Variants in ARL15 observed in about 807,000 individuals in gnomAD.
ARL15 encodes the protein ARF like GTPase 15.
ARL15 carries 19 observed loss-of-function variants against 25.2 expected under a neutral mutation model. That is an observed-to-expected ratio of 0.75 (90% CI 0.53 to 1.10). ARL15 has a LOEUF of 1.10. ARL15 is among the 50% of genes least tolerant of loss of function. ARL15 has a pLI of 0.00. For synonymous variants in ARL15, 94 were observed against 86.8 expected, an observed-to-expected ratio of 1.08 and a Z score of -0.46; for missense variants, 220 against 246.0, an observed-to-expected ratio of 0.89 and a Z score of 0.71.
At chr5:53,953,528 C>T (rs115736417) in intron 4 of ARL15, among the ~76,000 whole-genome samples, 263 of 152,138 alleles carry the variant, frequency 1.7e-3, no homozygotes, top group African/African-American at 5.3e-3. Flanking sequence ...AAATTTATTA[C>T]GCAAAATTTA....
chr5:54,295,911 T>G (rs1419895596), intron 1 of ARL15, among the ~76,000 whole-genome samples: 2 of 152,234 alleles, frequency 1.3e-5, no homozygotes, highest in African/African-American at 4.8e-5. Context: ...AACTTGACTT[T>G]CAAATTGTTT....
chr5:54,300,214 C>T (rs1269894642), intron 1 of ARL15, among the ~76,000 whole-genome samples: 2 of 152,180 alleles, frequency 1.3e-5, no homozygotes, highest in African/African-American at 4.8e-5. Context: ...AAAAGTGACA[C>T]TGAATCACTG....
intron 4 of ARL15, among the ~76,000 whole-genome samples, chr5:54,068,130 C>G (rs3776690): frequency 0.27 from 41,572 of 151,976 alleles, 7,350 homozygotes; most frequent in African/African-American, 0.51. Context: ...ATTTAAAAGT[C>G]GTAGAGCCAT....
intron 4 of ARL15, among the ~76,000 whole-genome samples, chr5:54,047,566 G>T (rs143442030): frequency 6.6e-6 from 1 of 152,236 alleles, no homozygotes; most frequent in African/African-American, 2.4e-5. Flanking sequence ...CGGAGGTAGA[G>T]TACTGACAGT....
chr5:54,044,892 T>C (rs1022268076), intron 4 of ARL15, among the ~76,000 whole-genome samples: 3 of 152,224 alleles, frequency 2.0e-5, no homozygotes, highest in Non-Finnish European at 4.4e-5. Flanking sequence ...AAGGCAATTT[T>C]GGATTTAAGA....
chr5:54,071,594 T>C (rs1048518611), intron 4 of ARL15, among the ~76,000 whole-genome samples: 1 of 148,228 alleles, frequency 6.7e-6, no homozygotes, highest in South Asian at 2.2e-4. Context: ...TTTGGTACAC[T>C]ATTGTTCAGA....
At chr5:54,133,588 A>G (rs998004164) in intron 3 of ARL15, among the ~76,000 whole-genome samples, 3 of 152,226 alleles carry the variant, frequency 2.0e-5, no homozygotes, top group African/African-American at 7.2e-5. Flanking sequence ...TGACAAATGT[A>G]TACCTGATTC....
At chr5:54,249,672 CAAAAAAAA>C in intron 1 of ARL15, among the ~76,000 whole-genome samples, 1 of 72,640 alleles carries the variant, frequency 1.4e-5, no homozygotes, top group East Asian at 3.8e-4. Flanking sequence ...TGGTTAAGAG[CAAAAAAAA>C]AAAAAAAAAA....
intron 1 of ARL15, among the ~76,000 whole-genome samples, chr5:54,209,333 AAGAGAG>A (rs71600812): frequency 1.1e-4 from 17 of 148,658 alleles, no homozygotes; most frequent in East Asian, 2.0e-4. Context: ...TAAAAAGAGA[AAGAGAG>A]AGAGAGAGAG....
chr5:54,058,266 A>G (rs1750951117), intron 4 of ARL15, among the ~76,000 whole-genome samples: 1 of 152,110 alleles, frequency 6.6e-6, no homozygotes, highest in South Asian at 2.1e-4. Flanking sequence ...TCGGCCTCCC[A>G]AAGTGCTGGG....
intron 4 of ARL15, among the ~76,000 whole-genome samples, chr5:53,998,459 C>T (rs1428325611): frequency 6.6e-6 from 1 of 152,130 alleles, no homozygotes; most frequent in Non-Finnish European, 1.5e-5. Context: ...TCAAATTTAG[C>T]ATACCTTTAA....
chr5:53,997,377 T>C (rs1748715495), intron 4 of ARL15, among the ~76,000 whole-genome samples: 1 of 152,184 alleles, frequency 6.6e-6, no homozygotes, highest in Admixed American at 6.5e-5. Context: ...GTCTCTCTGC[T>C]GCCCTATCAA....
At chr5:53,912,695 T>G (rs1745503459) in intron 4 of ARL15, among the ~76,000 whole-genome samples, 1 of 152,216 alleles carries the variant, frequency 6.6e-6, no homozygotes, top group Non-Finnish European at 1.5e-5. Context: ...CCACATATCA[T>G]GTGAGGTCCA....
At chr5:53,971,815 C>T (rs1747761881) in intron 4 of ARL15, among the ~76,000 whole-genome samples, 1 of 152,182 alleles carries the variant, frequency 6.6e-6, no homozygotes, top group Admixed American at 6.5e-5. Context: ...AATTTTTTAG[C>T]TCTAAACAGC....
chr5:54,202,772 G>A (rs1334944352), intron 1 of ARL15, among the ~76,000 whole-genome samples: 2 of 152,130 alleles, frequency 1.3e-5, no homozygotes, highest in Admixed American at 6.5e-5. Context: ...TAAAGTATTT[G>A]GAGGGGAGGG....
At chr5:53,942,194 A>G (rs1289663325) in intron 4 of ARL15, among the ~76,000 whole-genome samples, 1 of 148,920 alleles carries the variant, frequency 6.7e-6, no homozygotes, top group African/African-American at 2.4e-5. Context: ...CCAGGGAACT[A>G]GGTAAATTGT....
At chr5:54,062,172 G>A (rs1751088944) in intron 4 of ARL15, among the ~76,000 whole-genome samples, 2 of 152,198 alleles carry the variant, frequency 1.3e-5, no homozygotes, top group South Asian at 4.1e-4. Context: ...ATTGTACGTA[G>A]GAAGTAACTA....
At chr5:54,225,109 A>G (rs1756483477) in intron 1 of ARL15, among the ~76,000 whole-genome samples, 1 of 152,222 alleles carries the variant, frequency 6.6e-6, no homozygotes, top group African/African-American at 2.4e-5. Flanking sequence ...GAGACAAGTT[A>G]ACGTAATTAA....
At chr5:53,944,174 G>C (rs1409483043) in intron 4 of ARL15, among the ~76,000 whole-genome samples, 1 of 152,024 alleles carries the variant, frequency 6.6e-6, no homozygotes, top group Non-Finnish European at 1.5e-5. Flanking sequence ...ACAAATACTT[G>C]GGTTTTAACT....
Sources: gnomAD v4.1 joint callset for allele counts (sites outside exome capture counted in the v4.1 genomes callset) on GRCh38, gnomAD v4.1.1 for gene constraint, MANE v1.5 for transcripts, NCBI Gene and HGNC (gene_info 2026-07-23, HGNC 2026-07-21) for gene names.